Variants in ZSWIM5 observed in about 807,000 individuals in gnomAD.
The protein encoded by ZSWIM5 is zinc finger SWIM-type containing 5.
Under a neutral mutation model 119.6 loss-of-function variants are expected in ZSWIM5, and 55 were observed. That is an observed-to-expected ratio of 0.46 (90% CI 0.37 to 0.58). The LOEUF is 0.58. Among genes scored for constraint, ZSWIM5 ranks in the 20% least tolerant of loss-of-function variants. The pLI is 0.00. For synonymous variants in ZSWIM5, 537 were observed against 606.9 expected (o/e 0.88, Z 1.69); for missense variants, 1,193 against 1,512.8 (o/e 0.79, Z 3.51).
intron 1 of ZSWIM5, among the ~76,000 whole-genome samples, chr1:45,163,055 TG>T (rs1372224792): frequency 6.6e-6 from 1 of 152,166 alleles, no homozygotes; most frequent in Non-Finnish European, 1.5e-5. Flanking sequence ...GTAGCCTAAC[TG>T]GGAGGCACCT....
At chr1:45,140,248 G>T (rs1047375901) in intron 1 of ZSWIM5, among the ~76,000 whole-genome samples, 2 of 152,144 alleles carry the variant, frequency 1.3e-5, no homozygotes, top group Non-Finnish European at 2.9e-5. Flanking sequence ...AAGTTTTATT[G>T]GGATACAGCC....
At position 45,048,070 on chromosome 1, in the gene ZSWIM5, C is replaced by T. The variant is rs945062508; in HGVS notation, c.1432+3004G>A. On this transcript the variant is annotated intron_variant, in intron 5 of 13. Coordinates refer to ENST00000359600, the MANE Select transcript of ZSWIM5 (RefSeq NM_020883.2). ...CTTTCTTTCTTTCTTTCTTTCTTTCCTTTTCTTTTCTCTTTTTTTTTTTTT... is the reference window on the plus strand; with the variant it reads ...CTTTCTTTCTTTCTTTCTTTCTTTCTTTTTCTTTTCTCTTTTTTTTTTTTT... Among the ~76,000 whole-genome samples, 72 of 20,866 alleles carry T rather than the reference C, an allele frequency of 3.5e-3. 24 individuals are homozygous for T. The highest frequency in any genetic ancestry group is 4.6e-3 in the African/African-American group (22 of 4,800). 13.7% of individuals were successfully genotyped at this position (20,866 alleles called of 152,430 possible). A position where few individuals can be genotyped will look rare whatever the true frequency, so the allele number is the denominator to read the frequency against.
intron 6 of ZSWIM5, among the ~76,000 whole-genome samples, 178 bp from the exon 7 acceptor site, chr1:45,040,716 A>G (rs546922678): frequency 6.6e-6 from 1 of 152,322 alleles, no homozygotes; most frequent in Admixed American, 6.5e-5. Flanking sequence ...ATCACAGGTG[A>G]TATCTTGAAA....
chr1:45,107,566 CG>C (rs1185761719), intron 1 of ZSWIM5, among the ~76,000 whole-genome samples: 3 of 144,796 alleles, frequency 2.1e-5, no homozygotes, highest in Non-Finnish European at 4.5e-5. Flanking sequence ...GGCGTGAACC[CG>C]GGAGGCGGAG....
intron 1 of ZSWIM5, among the ~76,000 whole-genome samples, chr1:45,145,805 T>G (rs1327323102): frequency 6.6e-6 from 1 of 152,154 alleles, no homozygotes; most frequent in Admixed American, 6.5e-5. Flanking sequence ...TATTGTGTGA[T>G]ATTTTTAAAA....
intron 1 of ZSWIM5, among the ~76,000 whole-genome samples, chr1:45,111,419 G>A (rs944104030): frequency 1.3e-5 from 2 of 152,084 alleles, no homozygotes; most frequent in Admixed American, 1.3e-4. Flanking sequence ...AGTATGTGAT[G>A]CAACGGAATA....
In ZSWIM5 at chr1:45,080,259, A is replaced by G. The variant is rs577488201; in HGVS notation, c.952+7622T>C. Among the ~76,000 whole-genome samples, 4 of 152,288 alleles carry G rather than the reference A, an allele frequency of 2.6e-5. No individual in the cohort carries two copies. In the East Asian group the frequency reaches 7.7e-4, roughly 29 times the overall value. ...CTTTCGAGTTTATTTAAGGCCCCAG[A>G]GCACTTTAGCCCACAGAGGGGAGGC... On this transcript the variant is annotated intron_variant, in intron 2 of 13. Coordinates refer to ENST00000359600, the MANE Select transcript of ZSWIM5 (RefSeq NM_020883.2).
chr1:45,088,039 C>A lies in ZSWIM5; in HGVS notation c.794G>T (p.Arg265Leu). 6.2e-7 allele frequency: 1 copy of A among 1,614,092 alleles called. No homozygotes were observed. The highest frequency in any genetic ancestry group is 2.2e-5 in the East Asian group (1 of 44,878). The change falls in exon 2 of 14, where the codon CGT (arginine) becomes CTT (leucine). Residue 265 changes from arginine (R) to leucine (L), a missense_variant. This residue lies in a region of ZSWIM5 where 961 missense variants were observed against 1,290.0 expected (regional missense o/e 0.74). Coordinates refer to ENST00000359600, the MANE Select transcript of ZSWIM5 (RefSeq NM_020883.2). The surrounding 1 kb of genome is among the most constrained non-coding windows in gnomAD (Gnocchi z 4.2). ...GAAAAGGGTTTCGGAGATAGGAAGA[C>A]GCAATTTGACTTGGTCTGGTTTACG... ...RIRKPDQVKLRLPISETLFQM... is the reference protein window; with the variant it reads ...RIRKPDQVKLLLPISETLFQM...
At chr1:45,063,840 G>A (rs1645167062) in intron 2 of ZSWIM5, among the ~76,000 whole-genome samples, 4 of 152,036 alleles carry the variant, frequency 2.6e-5, no homozygotes, top group African/African-American at 7.3e-5. Context: ...AAATTAGCTG[G>A]GTGTGGTGGT....
chr1:45,197,760 T>C (rs994114727), intron 1 of ZSWIM5, among the ~76,000 whole-genome samples: 8 of 152,238 alleles, frequency 5.3e-5, no homozygotes, highest in African/African-American at 1.7e-4. Context: ...CATATCTGGA[T>C]AGGATCTAGT....
chr1:45,097,296 C>T (rs939236934), intron 1 of ZSWIM5, among the ~76,000 whole-genome samples: 1 of 152,190 alleles, frequency 6.6e-6, no homozygotes, highest in African/African-American at 2.4e-5. Context: ...ACATGTGTGA[C>T]AGACAGATAT....
intron 1 of ZSWIM5, among the ~76,000 whole-genome samples, chr1:45,096,729 T>C (rs1187623607): frequency 6.6e-6 from 1 of 152,206 alleles, no homozygotes; most frequent in Non-Finnish European, 1.5e-5. Context: ...AGATGCTTCA[T>C]GCCGTTCTAT....
chr1:45,121,318 T>C (rs543070726), intron 1 of ZSWIM5, among the ~76,000 whole-genome samples: 1 of 152,342 alleles, frequency 6.6e-6, no homozygotes, highest in South Asian at 2.1e-4. Context: ...TCCTTATTCA[T>C]TGGCTTCTAC....
chr1:45,043,568 C>A (rs1271621215), intron 5 of ZSWIM5, among the ~76,000 whole-genome samples, 173 bp from the exon 6 acceptor site: 1 of 152,208 alleles, frequency 6.6e-6, no homozygotes, highest in Non-Finnish European at 1.5e-5. Context: ...CACTTGCAAT[C>A]TCTCTGAGTA....
At chr1:45,143,876 TA>T (rs201847838) in intron 1 of ZSWIM5, among the ~76,000 whole-genome samples, 21,415 of 145,722 alleles carry the variant, frequency 0.15, 1,825 homozygotes, top group East Asian at 0.4. Context: ...AAACATAAAT[TA>T]AAAAAAAAAA....
chr1:45,161,657 C>T (rs190580479), intron 1 of ZSWIM5, among the ~76,000 whole-genome samples: 1 of 152,234 alleles, frequency 6.6e-6, no homozygotes, highest in African/African-American at 2.4e-5. Flanking sequence ...TTCACTTTTC[C>T]CTATTGTAGT....
intron 2 of ZSWIM5, among the ~76,000 whole-genome samples, chr1:45,084,946 G>A (rs919153468): frequency 6.6e-6 from 1 of 152,210 alleles, no homozygotes; most frequent in Non-Finnish European, 1.5e-5. Flanking sequence ...GCTCCAGTGG[G>A]GAATCTGTGT....
intron 1 of ZSWIM5, among the ~76,000 whole-genome samples, chr1:45,114,585 C>A (rs1645536451): frequency 6.6e-6 from 1 of 151,034 alleles, no homozygotes; most frequent in South Asian, 2.1e-4. Context: ...ATATATAGTT[C>A]TGCTTTTTCA....
At chr1:45,079,423 G>A (rs539989746) in intron 2 of ZSWIM5, among the ~76,000 whole-genome samples, 58 of 152,218 alleles carry the variant, frequency 3.8e-4, no homozygotes, top group African/African-American at 1.2e-3. Flanking sequence ...ACAGGCCCAC[G>A]AGGAGTACCG....
Sources: allele counts gnomAD v4.1 joint callset (sites outside exome capture counted in the v4.1 genomes callset), GRCh38; gene constraint gnomAD v4.1.1; regional missense constraint gnomAD v4.1.1; non-coding constraint Gnocchi (gnomAD v3.1); transcripts MANE v1.5; gene names NCBI Gene and HGNC (gene_info 2026-07-23, HGNC 2026-07-21).